HSDL2: variants seen among roughly 807,000 people sequenced by gnomAD.
The protein encoded by HSDL2 is hydroxysteroid dehydrogenase like 2, also known as hydroxysteroid dehydrogenase-like protein 2.
In HSDL2, 27 loss-of-function variants were observed where a neutral mutation model predicts 46.3. The ratio of observed to expected loss-of-function variants is 0.58; its 90% confidence interval spans 0.43 to 0.80. HSDL2 has a LOEUF of 0.80. HSDL2 is among the 30% of genes least tolerant of loss of function. The probability of loss-of-function intolerance (pLI) is 0.00; values close to 1 mark genes in which losing one functional copy is unlikely to be tolerated. For synonymous variants in HSDL2, 153 were observed against 163.6 expected (o/e 0.94, Z 0.50); for missense variants, 451 against 502.7 (o/e 0.90, Z 0.98).
chr9:112,435,240 A>G (rs1832498621), intron 6 of HSDL2, among the ~76,000 whole-genome samples: 2 of 152,162 alleles, frequency 1.3e-5, no homozygotes, highest in Non-Finnish European at 2.9e-5. Flanking sequence ...ACACACACAC[A>G]CACAGCATGT....
chr9:112,405,730 CT>C lies in HSDL2; in HGVS notation c.280+10del. 1 of 1,525,108 alleles carries C rather than the reference CT, an allele frequency of 6.6e-7. No homozygotes were observed. The highest frequency in any genetic ancestry group is 9.0e-7 in the Non-Finnish European group (1 of 1,110,338). 94.5% of individuals were successfully genotyped at this position (1,525,108 alleles called of 1,614,324 possible). Reference sequence around the variant, plus strand: ...CCATCAAGAAATTTGGAGGTAATACCTTCATTCTGAAAAAATTATTGGATAT... The same window carrying C: ...CCATCAAGAAATTTGGAGGTAATACCTCATTCTGAAAAAATTATTGGATAT... On this transcript the variant is annotated intron_variant, in intron 3 of 10. Transcript: ENST00000398805.
At chr9:112,387,135 G>A (rs1234850794) in intron 1 of HSDL2, among the ~76,000 whole-genome samples, 1 of 151,920 alleles carries the variant, frequency 6.6e-6, no homozygotes, top group African/African-American at 2.4e-5. Flanking sequence ...AATGACATTG[G>A]TATTTTAAAA....
At chr9:112,458,805 C>G (rs2132702859) in intron 9 of HSDL2, among the ~76,000 whole-genome samples, 1 of 151,474 alleles carries the variant, frequency 6.6e-6, no homozygotes, top group African/African-American at 2.4e-5. Flanking sequence ...CATGGTGAGA[C>G]CCCGTCTCTA....
chr9:112,392,367 C>T (rs978746180), intron 1 of HSDL2, among the ~76,000 whole-genome samples: 7 of 152,120 alleles, frequency 4.6e-5, no homozygotes, highest in South Asian at 2.1e-4. Context: ...AGCAGAGAAC[C>T]GGTTGACCAC....
Position 112,470,570 on chromosome 9 carries a change from T to A in HSDL2, c.*26T>A. The A allele has an allele frequency of 1.6e-6, 2 of 1,263,226 alleles. No individual in the cohort carries two copies. Among genetic ancestry groups the A allele is most frequent in the Non-Finnish European group, 2.3e-6 (2 of 886,562 alleles). 78.3% of individuals were successfully genotyped at this position (1,263,226 alleles called of 1,614,324 possible). A position where few individuals can be genotyped will look rare whatever the true frequency, so the allele number is the denominator to read the frequency against. On this transcript the variant is annotated 3_prime_UTR_variant, in exon 11 of 11. Coordinates refer to ENST00000398805, the MANE Select transcript of HSDL2 (RefSeq NM_032303.5). The stretch of plus-strand genomic sequence containing the variant: ...AGGAAAATATAAAAAAAAAGTCGAC[T>A]GCTATGCTCAAAAAGTAAAAAAAGC...
At chr9:112,425,146 CT>C in intron 6 of HSDL2, among the ~76,000 whole-genome samples, 1 of 152,114 alleles carries the variant, frequency 6.6e-6, no homozygotes, top group Admixed American at 6.5e-5. Context: ...AGTTTCTTCC[CT>C]TTTTTTAACT....
chr9:112,404,526 T>C (rs1259540870), intron 2 of HSDL2, among the ~76,000 whole-genome samples: 2 of 151,426 alleles, frequency 1.3e-5, no homozygotes, highest in Admixed American at 6.6e-5. Context: ...AGAGCGAGAC[T>C]CCATCTCTTA....
chr9:112,441,598 CAGAA>C, intron 7 of HSDL2, 97 bp from the exon 8 acceptor site: 1 of 727,498 alleles, frequency 1.4e-6, no homozygotes. Flanking sequence ...TCTTTTGCAC[CAGAA>C]AGATTTTTAA....
intron 1 of HSDL2, among the ~76,000 whole-genome samples, chr9:112,382,334 C>T (rs935192720): frequency 6.6e-6 from 1 of 152,188 alleles, no homozygotes; most frequent in Admixed American, 6.6e-5. Flanking sequence ...AGAAGGGTTG[C>T]ACACCCAAAA....
At chr9:112,402,431 GC>G (rs1177538875) in intron 1 of HSDL2, among the ~76,000 whole-genome samples, 4 of 152,092 alleles carry the variant, frequency 2.6e-5, no homozygotes, top group Middle Eastern at 3.4e-3. Flanking sequence ...GGTGGTGTGT[GC>G]CTGTAGTCCC....
chr9:112,385,800 G>C (rs937182151), intron 1 of HSDL2, among the ~76,000 whole-genome samples: 3 of 151,462 alleles, frequency 2.0e-5, no homozygotes, highest in African/African-American at 7.3e-5. Context: ...GCCAATTTTT[G>C]TATTTTTTAG....
In HSDL2 at chr9:112,440,133, A is replaced by G. The variant is rs189189042; in HGVS notation, c.793+1508A>G. Among the ~76,000 whole-genome samples, 49 of 152,334 alleles carry G rather than the reference A, an allele frequency of 3.2e-4. No homozygotes were observed. The East Asian group carries it at 8.1e-3, about 25-fold the overall frequency. The stretch of plus-strand genomic sequence containing the variant: ...CTTCCGGGTCCTGGTACCCAGGAAT[A>G]TAATTATTACCTTAGGTTTTAAAGA... On this transcript the variant is annotated intron_variant, in intron 7 of 10. Transcript: ENST00000398805.
chr9:112,408,857 G>T (rs1247470487), intron 3 of HSDL2, 50 bp from the exon 4 acceptor site: 9 of 970,332 alleles, frequency 9.3e-6, no homozygotes, highest in Admixed American at 6.2e-5. Context: ...CTTTTTTTGT[G>T]TGTGATAAAA....
chr9:112,444,451 A>G (rs912027156), intron 8 of HSDL2, among the ~76,000 whole-genome samples: 7 of 152,082 alleles, frequency 4.6e-5, no homozygotes, highest in Admixed American at 2.6e-4. Flanking sequence ...CTTAAAAGCA[A>G]TATCAACCAG....
intron 2 of HSDL2, 41 bp downstream of exon 2, chr9:112,404,199 G>A (rs747830807): frequency 1.9e-6 from 3 of 1,583,188 alleles, no homozygotes; most frequent in African/African-American, 2.7e-5. Context: ...TCTTTCTAGT[G>A]GTTTCAATAC....
intron 1 of HSDL2, among the ~76,000 whole-genome samples, chr9:112,389,041 T>C (rs551521150): frequency 1.1e-4 from 16 of 151,692 alleles, no homozygotes; most frequent in Non-Finnish European, 1.9e-4. Flanking sequence ...TTTTTTTTTC[T>C]TTTTGAGACA....
chr9:112,411,694 T>C (rs933528249), intron 4 of HSDL2, among the ~76,000 whole-genome samples: 10 of 152,198 alleles, frequency 6.6e-5, no homozygotes, highest in Admixed American at 5.9e-4. Context: ...AAAACTATTA[T>C]GGCAAGCATA....
At chr9:112,404,432 G>T (rs1200592538) in intron 2 of HSDL2, among the ~76,000 whole-genome samples, 2 of 152,074 alleles carry the variant, frequency 1.3e-5, no homozygotes. Context: ...TACTCGGGAG[G>T]CTGAGGCAGG....
chr9:112,454,054 C>G lies in HSDL2; in HGVS notation c.907C>G (p.Pro303Ala), dbSNP rs771991086. 6.2e-7 allele frequency: 1 copy of G among 1,614,002 alleles called. No individual in the cohort carries two copies. Among genetic ancestry groups the G allele is most frequent in the Non-Finnish European group, 8.5e-7 (1 of 1,179,952 alleles). The change falls in exon 9 of 11, where the codon CCA becomes GCA. Residue 303 changes from proline to alanine, a missense_variant. Physicochemically the swap from Pro to Ala is conservative, Grantham distance 27 (BLOSUM62 -1). Coordinates refer to ENST00000398805, the MANE Select transcript of HSDL2 (RefSeq NM_032303.5). The stretch of plus-strand genomic sequence containing the variant: ...CAAAGAAGAGAAACTGCAGCTGCAA[C>G]CAAAACCACGTTCTGGAGCTGTGGA... ...EFKEEKLQLQ[P>A]KPRSGAVEET...
Sources: allele counts gnomAD v4.1 joint callset (sites outside exome capture counted in the v4.1 genomes callset), GRCh38; gene constraint gnomAD v4.1.1; transcripts MANE v1.5; gene names NCBI Gene and HGNC (gene_info 2026-07-23, HGNC 2026-07-21).